PPFIA2: variants seen among roughly 807,000 people sequenced by gnomAD.
The protein encoded by PPFIA2 is liprin-alpha-2.
Under a neutral mutation model 175.5 loss-of-function variants are expected in PPFIA2, and 46 were observed. The observed-to-expected ratio is 0.26, with a 90% CI of 0.21 to 0.34. The LOEUF is 0.34. Ranked by LOEUF, PPFIA2 falls within the 10% of genes least tolerant of loss-of-function variation. The pLI is 1.00. For missense variants in PPFIA2, 1,179 were observed against 1,506.1 expected, an observed-to-expected ratio of 0.78 and a Z score of 3.60; for synonymous variants, 568 against 511.4, an observed-to-expected ratio of 1.11 and a Z score of -1.49.
intron 21 of PPFIA2, among the ~76,000 whole-genome samples, chr12:81,332,451 C>T (rs534596731): frequency 2.0e-5 from 3 of 152,122 alleles, no homozygotes; most frequent in South Asian, 2.1e-4. Context: ...TTTTCAAATA[C>T]GTAGGAAGAT....
chr12:81,753,641 G>A (rs554716211), intron 3 of PPFIA2, among the ~76,000 whole-genome samples: 2 of 151,988 alleles, frequency 1.3e-5, no homozygotes, highest in South Asian at 4.2e-4. Flanking sequence ...GTGTTTAAAA[G>A]GTAAGAAAGA....
At chr12:81,399,290 CAAAAAAAAAAAAA>C (rs543794696) in intron 8 of PPFIA2, among the ~76,000 whole-genome samples, 1 of 42,000 alleles carries the variant, frequency 2.4e-5, no homozygotes, top group African/African-American at 8.3e-5. Flanking sequence ...TCCTTCTTCA[CAAAAAAAAAAAAA>C]AAAAAAAAAA....
At chr12:81,322,415 A>C (rs2053861747) in intron 22 of PPFIA2, among the ~76,000 whole-genome samples, 1 of 152,140 alleles carries the variant, frequency 6.6e-6, no homozygotes, top group South Asian at 2.1e-4. Flanking sequence ...GTCCGCATTG[A>C]ATAAACTATG....
intron 7 of PPFIA2, among the ~76,000 whole-genome samples, chr12:81,416,023 G>A (rs2143232618): frequency 6.6e-6 from 1 of 151,546 alleles, no homozygotes; most frequent in South Asian, 2.1e-4. Flanking sequence ...TTCATTAGAG[G>A]CATGTAAAAG....
intron 4 of PPFIA2, among the ~76,000 whole-genome samples, chr12:81,663,398 G>C (rs569421508): frequency 5.3e-5 from 8 of 152,186 alleles, no homozygotes; most frequent in African/African-American, 1.9e-4. Context: ...ACCAATAACA[G>C]ACAAACAGAG....
At chr12:81,464,311 A>G (rs1288953088) in intron 4 of PPFIA2, among the ~76,000 whole-genome samples, 1 of 152,170 alleles carries the variant, frequency 6.6e-6, no homozygotes. Flanking sequence ...TAATCATTAT[A>G]GCAGTGTTAT....
intron 24 of PPFIA2, among the ~76,000 whole-genome samples, chr12:81,294,413 G>T: frequency 6.8e-6 from 1 of 146,338 alleles, no homozygotes; most frequent in East Asian, 2.0e-4. Flanking sequence ...AAGGAAGGAA[G>T]AAGGGAAGGA....
At chr12:81,546,724 T>C (rs1030974825) in intron 4 of PPFIA2, among the ~76,000 whole-genome samples, 1 of 151,944 alleles carries the variant, frequency 6.6e-6, no homozygotes, top group Non-Finnish European at 1.5e-5. Flanking sequence ...TGACTTTCTC[T>C]TACCTCTTTT....
At chr12:81,598,340 T>C in intron 4 of PPFIA2, 2 of 1,145,550 alleles carry the variant, frequency 1.7e-6, no homozygotes, top group Non-Finnish European at 2.2e-6. Flanking sequence ...GTGCAGAATC[T>C]GGCAGTGCTG....
intron 3 of PPFIA2, among the ~76,000 whole-genome samples, chr12:81,731,027 C>T (rs2080828501): frequency 6.6e-6 from 1 of 151,650 alleles, no homozygotes; most frequent in Non-Finnish European, 1.5e-5. Flanking sequence ...CTCCTGCCAT[C>T]CTGGTACTGC....
At chr12:81,676,991 C>T in intron 3 of PPFIA2, 147 bp from the exon 4 acceptor site, 1 of 439,116 alleles carries the variant, frequency 2.3e-6, no homozygotes, top group Non-Finnish European at 4.1e-6. Context: ...CACTGTAGTA[C>T]TATACAAATA....
chr12:81,700,968 A>T (rs530648416), intron 3 of PPFIA2, among the ~76,000 whole-genome samples: 1 of 152,158 alleles, frequency 6.6e-6, no homozygotes, highest in African/African-American at 2.4e-5. Context: ...ATTTGGATTA[A>T]AAGGTTTGGA....
chr12:81,593,548 G>T (rs965879651), intron 4 of PPFIA2, among the ~76,000 whole-genome samples: 1 of 152,100 alleles, frequency 6.6e-6, no homozygotes, highest in Non-Finnish European at 1.5e-5. Flanking sequence ...CATGTATGAG[G>T]AACACAGCTT....
chr12:81,622,850 T>C (rs1309330750), intron 4 of PPFIA2, among the ~76,000 whole-genome samples: 1 of 152,156 alleles, frequency 6.6e-6, no homozygotes, highest in Non-Finnish European at 1.5e-5. Flanking sequence ...ATCATATTGG[T>C]GATAACCAGA....
Position 81,701,059 on chromosome 12 carries a change from G to A in PPFIA2, c.250-24215C>T, listed in dbSNP as rs115926899. ...TAAGTAAAGGTATACAAGATTTTAAGACTGACAGCTTGGGTTCCAGAATGA... is the reference window on the plus strand; with the variant it reads ...TAAGTAAAGGTATACAAGATTTTAAAACTGACAGCTTGGGTTCCAGAATGA... On this transcript the variant is annotated intron_variant, in intron 3 of 32. Transcript: ENST00000549396. Among the ~76,000 whole-genome samples, 131 of 152,230 alleles carry A rather than the reference G, an allele frequency of 8.6e-4. 1 individual carries two copies. Among genetic ancestry groups the A allele is most frequent in the African/African-American group, 3.1e-3 (128 of 41,546 alleles).
intron 4 of PPFIA2, among the ~76,000 whole-genome samples, chr12:81,458,644 C>T (rs2145828957): frequency 6.6e-6 from 1 of 152,076 alleles, no homozygotes; most frequent in African/African-American, 2.4e-5. Context: ...GGCCTCCTTC[C>T]CCTAAATGGG....
At chr12:81,602,136 T>C (rs1202848475) in intron 4 of PPFIA2, among the ~76,000 whole-genome samples, 1 of 151,888 alleles carries the variant, frequency 6.6e-6, no homozygotes, top group Non-Finnish European at 1.5e-5. Flanking sequence ...TTTAAATGAC[T>C]ATATGGTTGT....
At chr12:81,271,564 C>T (rs920014120) in intron 28 of PPFIA2, among the ~76,000 whole-genome samples, 4 of 152,106 alleles carry the variant, frequency 2.6e-5, no homozygotes, top group South Asian at 2.1e-4. Context: ...CCACCATGCC[C>T]GGCCCTCTAT....
At chr12:81,586,637 T>C (rs1212586281) in intron 4 of PPFIA2, among the ~76,000 whole-genome samples, 1 of 151,774 alleles carries the variant, frequency 6.6e-6, no homozygotes, top group African/African-American at 2.4e-5. Flanking sequence ...ACACAAGAAA[T>C]GCATTTATAA....
Sources: gnomAD v4.1 joint callset for allele counts (sites outside exome capture counted in the v4.1 genomes callset) on GRCh38, gnomAD v4.1.1 for gene constraint, MANE v1.5 for transcripts, NCBI Gene and HGNC (gene_info 2026-07-23, HGNC 2026-07-21) for gene names.